The following CNTRL variants were observed in gnomAD, a reference collection of about 807,000 sequenced individuals.
CNTRL encodes the protein 110 kDa centrosomal protein.
Under a neutral mutation model 303.7 loss-of-function variants are expected in CNTRL, and 233 were observed. That is an observed-to-expected ratio of 0.77 (90% CI 0.69 to 0.86). The LOEUF (loss-of-function observed/expected upper bound fraction) is 0.86. Ranked by LOEUF, CNTRL falls within the 40% of genes least tolerant of loss-of-function variation. The probability of loss-of-function intolerance (pLI) is 0.00; values close to 1 mark genes in which losing one functional copy is unlikely to be tolerated. For synonymous variants in CNTRL, 900 were observed against 922.2 expected (o/e 0.98, Z 0.44); for missense variants, 2,524 against 2,650.6 (o/e 0.95, Z 1.05).
intron 13 of CNTRL, 21 bp from the exon 14 acceptor site, chr9:121,125,695 C>A: frequency 6.3e-7 from 1 of 1,595,522 alleles, no homozygotes; most frequent in Non-Finnish European, 8.6e-7. Flanking sequence ...TATATTATTA[C>A]CCTTTTTGCA....
intron 40 of CNTRL, among the ~76,000 whole-genome samples, chr9:121,172,131 T>C (rs1248996352): frequency 6.6e-6 from 1 of 152,162 alleles, no homozygotes; most frequent in Non-Finnish European, 1.5e-5. Context: ...CATCTGTGCT[T>C]CCAATCCCCT....
intron 1 of CNTRL, among the ~76,000 whole-genome samples, chr9:121,079,468 G>A (rs1002027751): frequency 2.6e-5 from 4 of 152,100 alleles, no homozygotes; most frequent in African/African-American, 9.7e-5. Context: ...AGGAGTTCGA[G>A]ATCAGCCTGG....
At chr9:121,081,295 G>A (rs139940521) in intron 2 of CNTRL, among the ~76,000 whole-genome samples, 8 of 152,226 alleles carry the variant, frequency 5.3e-5, no homozygotes, top group East Asian at 1.9e-4. Flanking sequence ...TCCTACTGCC[G>A]TACCACACAG....
In CNTRL at chr9:121,112,439, A is replaced by T. The variant is rs1248246544; in HGVS notation, c.1003-20A>T. ...ACTTACTGATCCTGTATGTTGTCTCATATCAAATTGGGCCAATAGCTAAAA... is the reference window on the plus strand; with the variant it reads ...ACTTACTGATCCTGTATGTTGTCTCTTATCAAATTGGGCCAATAGCTAAAA... On this transcript the variant is annotated intron_variant, in intron 8 of 43. Transcript: ENST00000373855. 3.7e-6 allele frequency: 6 copies of T among 1,609,910 alleles called. No homozygotes were observed. The highest frequency in any genetic ancestry group is 1.3e-5 in the African/African-American group (1 of 74,788).
chr9:121,140,516 T>C (rs2051445196), intron 16 of CNTRL, 125 bp from the exon 17 acceptor site: 2 of 792,778 alleles, frequency 2.5e-6, no homozygotes, highest in African/African-American at 1.8e-5. Flanking sequence ...TTTTAGAAAT[T>C]TCTTTTTACT....
chr9:121,140,856 A>G, intron 17 of CNTRL, 70 bp downstream of exon 17: 3 of 1,419,290 alleles, frequency 2.1e-6, no homozygotes, highest in South Asian at 1.5e-5. Flanking sequence ...TGTGAGGTTC[A>G]ATGATAAACT....
At chr9:121,094,469 A>C (rs891077635) in intron 4 of CNTRL, among the ~76,000 whole-genome samples, 21 of 152,200 alleles carry the variant, frequency 1.4e-4, no homozygotes, top group Admixed American at 4.6e-4. Context: ...CCTAATCACC[A>C]CATGAAGGTC....
At chr9:121,152,217 C>T in intron 25 of CNTRL, 1 of 385,812 alleles carries the variant, frequency 2.6e-6, no homozygotes, top group Non-Finnish European at 4.8e-6. Flanking sequence ...TCTGCTAGAC[C>T]CCGAACTCTT....
rs1053106579 is a variant in CNTRL, at chr9:121,152,816, C to G, written c.4172+123C>G. 44 of 738,982 alleles carry G rather than the reference C, an allele frequency of 6.0e-5. No individual in the cohort carries two copies. The African/African-American group carries it at 7.8e-4, about 13-fold the overall frequency. The allele number at this position is 738,982 out of a possible 1,614,324, so 45.8% of individuals were successfully genotyped here. A position where few individuals can be genotyped will look rare whatever the true frequency, so the allele number is the denominator to read the frequency against. On this transcript the variant is annotated intron_variant, in intron 26 of 43. Transcript: ENST00000373855. ...CTGTCCAAAACAGTAACCACTAGCT[C>G]AGTGTGGCTGTTGAGCACTTGAAAT...
Position 121,157,865 on chromosome 9 carries a change from A to G in CNTRL, c.4622A>G (p.Glu1541Gly). 1 of 1,614,088 alleles carries G rather than the reference A, an allele frequency of 6.2e-7. No individual in the cohort carries two copies. The highest frequency in any genetic ancestry group is 8.5e-7 in the Non-Finnish European group (1 of 1,180,002). Residue 1541 changes from glutamate (E) to glycine (G), a missense_variant, in exon 29 of 44, where the codon GAA becomes GGA. Glu to Gly is a moderately conservative substitution (Grantham distance 98, BLOSUM62 -2). Transcript: ENST00000373855. ...SDFQCLSKKK[E>G]KLTEELQKLQ... Reference sequence around the variant, plus strand: ...TTCCAATGTTTAAGCAAGAAGAAGGAAAAACTGACAGAAGAGTAAGTAAGG... The same window carrying G: ...TTCCAATGTTTAAGCAAGAAGAAGGGAAAACTGACAGAAGAGTAAGTAAGG...
intron 7 of CNTRL, among the ~76,000 whole-genome samples, chr9:121,101,547 A>G (rs924681631): frequency 1.3e-5 from 2 of 152,154 alleles, no homozygotes; most frequent in Non-Finnish European, 2.9e-5. Context: ...ATACAACTAA[A>G]ATCAGAGCCA....
intron 2 of CNTRL, among the ~76,000 whole-genome samples, chr9:121,087,563 C>T (rs1347165323): frequency 3.3e-5 from 5 of 152,034 alleles, no homozygotes; most frequent in Non-Finnish European, 4.4e-5. Flanking sequence ...TGGTGACAGG[C>T]GCCAGGAATC....
intron 7 of CNTRL, 80 bp downstream of exon 7, chr9:121,098,652 G>T (rs1588094240): frequency 5.4e-6 from 5 of 921,070 alleles, no homozygotes; most frequent in South Asian, 5.4e-5. Context: ...TATGTATCAT[G>T]AACTTTATAA....
At position 121,165,094 on chromosome 9, in the gene CNTRL, C is replaced by T. The variant is rs766679385; in HGVS notation, c.5575C>T (p.Leu1859Phe). 83 of 1,584,690 alleles carry T rather than the reference C, an allele frequency of 5.2e-5. No homozygotes were observed. Among genetic ancestry groups the T allele is most frequent in the Non-Finnish European group, 7.1e-5 (83 of 1,168,044 alleles). Residue 1859 changes from leucine to phenylalanine, a missense_variant, in exon 35 of 44, where the codon CTC becomes TTC. Coordinates refer to ENST00000373855, the MANE Select transcript of CNTRL (RefSeq NM_007018.6). Reference protein sequence around the residue: ...HNDISAMQQQLQEKREAVNSL... With the variant: ...HNDISAMQQQFQEKREAVNSL... ...CGACATTTCAGCAATGCAACAGCAG[C>T]TCCAAGGTATAAGGCAGCAAAACAG...
At chr9:121,142,036 T>C in intron 18 of CNTRL, 55 bp from the exon 19 acceptor site, 2 of 1,417,140 alleles carry the variant, frequency 1.4e-6, no homozygotes, top group Non-Finnish European at 1.9e-6. Context: ...AGTTTTTATT[T>C]TGCTTAAAAC....
intron 40 of CNTRL, among the ~76,000 whole-genome samples, chr9:121,172,185 C>T (rs4837813): frequency 0.59 from 88,927 of 151,792 alleles, 26,902 homozygotes; most frequent in East Asian, 0.92. Flanking sequence ...AAAAAATAAC[C>T]AAAAAAAAAT....
chr9:121,084,355 G>A (rs1394840193), intron 2 of CNTRL, among the ~76,000 whole-genome samples: 2 of 152,126 alleles, frequency 1.3e-5, no homozygotes, highest in Admixed American at 1.3e-4. Flanking sequence ...GACTAGTATT[G>A]CTCATGCAGA....
intron 14 of CNTRL, among the ~76,000 whole-genome samples, chr9:121,126,193 AT>A (rs1241330675): frequency 1.3e-5 from 2 of 152,202 alleles, no homozygotes; most frequent in Non-Finnish European, 2.9e-5. Context: ...TTGTTGCCAA[AT>A]AACTCTAAAG....
chr9:121,082,830 C>T (rs1476860274), intron 2 of CNTRL, among the ~76,000 whole-genome samples: 5 of 151,888 alleles, frequency 3.3e-5, no homozygotes, highest in Non-Finnish European at 5.9e-5. Flanking sequence ...ATTAGCCAGG[C>T]GTGGTGGCAC....
Sources: gnomAD v4.1 joint callset for allele counts (sites outside exome capture counted in the v4.1 genomes callset) on GRCh38, gnomAD v4.1.1 for gene constraint, MANE v1.5 for transcripts, NCBI Gene and HGNC (gene_info 2026-07-23, HGNC 2026-07-21) for gene names.